PLD5: variants seen among roughly 807,000 people sequenced by gnomAD.
The protein encoded by PLD5 is inactive phospholipase D5.
In PLD5, 36 loss-of-function variants were observed where a neutral mutation model predicts 61.1. The observed-to-expected ratio is 0.59, with a 90% confidence interval of 0.45 to 0.78. The LOEUF (loss-of-function observed/expected upper bound fraction) is 0.78. PLD5 is among the 30% of genes least tolerant of loss of function. The pLI is 0.00. For missense variants in PLD5, 515 were observed against 644.4 expected, an observed-to-expected ratio of 0.80 and a Z score of 2.17; for synonymous variants, 243 against 242.8, an observed-to-expected ratio of 1.00 and a Z score of -0.01.
intron 1 of PLD5, among the ~76,000 whole-genome samples, chr1:242,399,242 G>T (rs1663783471): frequency 6.6e-6 from 1 of 152,192 alleles, no homozygotes; most frequent in East Asian, 1.9e-4. Context: ...GATTGATTGG[G>T]AAAAGCTGTA....
At chr1:242,271,785 T>G (rs1674102542) in intron 3 of PLD5, among the ~76,000 whole-genome samples, 1 of 151,618 alleles carries the variant, frequency 6.6e-6, no homozygotes, top group Non-Finnish European at 1.5e-5. Context: ...GGAGAAGAAA[T>G]AAGTGAGGAA....
intron 1 of PLD5, among the ~76,000 whole-genome samples, chr1:242,414,333 A>G (rs973702887): frequency 3.3e-5 from 5 of 152,216 alleles, no homozygotes; most frequent in African/African-American, 1.2e-4. Context: ...CTCAAAGGCA[A>G]TTTGACTCTG....
At chr1:242,135,123 G>C (rs572054399) in intron 5 of PLD5, among the ~76,000 whole-genome samples, 5 of 152,274 alleles carry the variant, frequency 3.3e-5, no homozygotes, top group South Asian at 2.1e-4. Context: ...GCATACGGTT[G>C]TTGGGATAAT....
At chr1:242,302,608 A>G (rs12133514) in intron 2 of PLD5, among the ~76,000 whole-genome samples, 9,149 of 152,214 alleles carry the variant, frequency 0.06, 328 homozygotes, top group Middle Eastern at 0.11. Flanking sequence ...AGTCCTAACT[A>G]CTCAGGAGGC....
At chr1:242,506,105 A>G (rs1391526827) in intron 1 of PLD5, among the ~76,000 whole-genome samples, 1 of 152,208 alleles carries the variant, frequency 6.6e-6, no homozygotes. Context: ...AGTAAGTGAC[A>G]GGCATCTACA....
chr1:242,401,064 C>T (rs1174446559), intron 1 of PLD5, among the ~76,000 whole-genome samples: 2 of 152,256 alleles, frequency 1.3e-5, no homozygotes. Context: ...GGCAAAGCAC[C>T]ATCCTTGAGA....
intron 1 of PLD5, among the ~76,000 whole-genome samples, chr1:242,469,411 A>T (rs1021774485): frequency 5.9e-5 from 9 of 152,212 alleles, no homozygotes; most frequent in African/African-American, 1.2e-4. Flanking sequence ...GCAACATTTC[A>T]AGTATTTATT....
At chr1:242,372,149 T>C (rs1300661668) in intron 1 of PLD5, among the ~76,000 whole-genome samples, 3 of 152,332 alleles carry the variant, frequency 2.0e-5, no homozygotes, top group Non-Finnish European at 2.9e-5. Context: ...AGCTCCTGTA[T>C]ATTCCTAAAT....
intron 1 of PLD5, among the ~76,000 whole-genome samples, chr1:242,375,627 A>G (rs561629912): frequency 1.3e-5 from 2 of 152,346 alleles, no homozygotes; most frequent in African/African-American, 4.8e-5. Context: ...ATAAGTACAA[A>G]ACATGTTGAG....
At chr1:242,257,214 G>C (rs1013342485) in intron 4 of PLD5, among the ~76,000 whole-genome samples, 1 of 152,034 alleles carries the variant, frequency 6.6e-6, no homozygotes, top group African/African-American at 2.4e-5. Context: ...TGAATGCTCT[G>C]GCAAAACAAA....
intron 9 of PLD5, among the ~76,000 whole-genome samples, chr1:242,093,625 T>C (rs1660007715): frequency 6.6e-6 from 1 of 152,104 alleles, no homozygotes; most frequent in Non-Finnish European, 1.5e-5. Flanking sequence ...GTCCACCCTT[T>C]ACTTGTACTC....
intron 1 of PLD5, among the ~76,000 whole-genome samples, chr1:242,427,050 C>T (rs1372829068): frequency 2.6e-5 from 4 of 152,162 alleles, no homozygotes; most frequent in Admixed American, 2.6e-4. Context: ...CCTGAATCAC[C>T]ACTTAGAGAA....
At chr1:242,148,656 T>A (rs1014126856) in intron 5 of PLD5, among the ~76,000 whole-genome samples, 1 of 151,978 alleles carries the variant, frequency 6.6e-6, no homozygotes, top group Non-Finnish European at 1.5e-5. Context: ...TTTTTAAAAT[T>A]CATTTGATGA....
chr1:242,180,104 C>A (rs1478199980), intron 5 of PLD5, among the ~76,000 whole-genome samples: 1 of 152,146 alleles, frequency 6.6e-6, no homozygotes, highest in Admixed American at 6.5e-5. Context: ...GTGGTACACA[C>A]AGGCGTTGGG....
chr1:242,472,436 C>T (rs1489758031), intron 1 of PLD5, among the ~76,000 whole-genome samples: 1 of 152,170 alleles, frequency 6.6e-6, no homozygotes, highest in African/African-American at 2.4e-5. Context: ...GCAGATGAAA[C>T]CTAGAATGAT....
chr1:242,513,206 C>T (rs1298425183), intron 1 of PLD5, among the ~76,000 whole-genome samples: 2 of 152,158 alleles, frequency 1.3e-5, no homozygotes, highest in Non-Finnish European at 2.9e-5. Flanking sequence ...TCGCATATGA[C>T]ATCTGTAGCA....
Position 242,268,745 on chromosome 1 carries a change from A to T in PLD5, c.496-3297T>A, listed in dbSNP as rs116402527. On this transcript the variant is annotated intron_variant, in intron 3 of 9. Coordinates refer to ENST00000536534, the MANE Select transcript of PLD5 (RefSeq NM_001372062.1). ...CCCATATGATAATTTTTGTTAAGAC[A>T]TTCAAAATGTAATCATTTCCAAAGG... Among the ~76,000 whole-genome samples the T allele has an allele frequency of 9.0e-3, 1,373 of 152,348 alleles. 8 individuals are homozygous for T. The highest frequency in any genetic ancestry group is 0.016 in the Admixed American group (244 of 15,296).
intron 4 of PLD5, among the ~76,000 whole-genome samples, chr1:242,236,806 A>G (rs1671665794): frequency 6.6e-6 from 1 of 152,240 alleles, no homozygotes; most frequent in Admixed American, 6.5e-5. Flanking sequence ...CATGTGTTCC[A>G]GTAGCCATTC....
At chr1:242,253,404 CTG>C (rs1672829732) in intron 4 of PLD5, among the ~76,000 whole-genome samples, 1 of 149,820 alleles carries the variant, frequency 6.7e-6, no homozygotes. Context: ...GCTCTGCCCC[CTG>C]GGGTTCACGC....
Sources: gnomAD v4.1 joint callset for allele counts (sites outside exome capture counted in the v4.1 genomes callset) on GRCh38, gnomAD v4.1.1 for gene constraint, MANE v1.5 for transcripts, NCBI Gene and HGNC (gene_info 2026-07-23, HGNC 2026-07-21) for gene names.